Variants in NDUFA5 observed in about 807,000 individuals in gnomAD.
NDUFA5 encodes NADH:ubiquinone oxidoreductase subunit A5.
A neutral mutation model predicts 19.8 loss-of-function variants in NDUFA5; 11 were observed. The observed-to-expected ratio is 0.56, with a 90% CI of 0.35 to 0.92. NDUFA5 has a LOEUF of 0.92. NDUFA5 is among the 40% of genes least tolerant of loss of function. The pLI is 0.01. For missense variants in NDUFA5, 109 were observed against 134.2 expected (o/e 0.81, Z 0.93); for synonymous variants, 47 against 46.8 (o/e 1.00, Z -0.01).
At chr7:123,590,276 A>G in the NDUFA5 span, among the ~76,000 whole-genome samples, 111,443 of 152,076 alleles carry the variant, frequency 0.73, 40,990 homozygotes, top group African/African-American at 0.8. Flanking sequence ...TAGGTTGCCC[A>G]TTCACTCTGA....
chr7:123,546,938 T>C, intron 3 of NDUFA5: 1 of 379,116 alleles, frequency 2.6e-6, no homozygotes, highest in Non-Finnish European at 5.1e-6. Flanking sequence ...GAGATTTTCC[T>C]GAATTATCCA....
chr7:123,586,861 AT>A, the NDUFA5 span, among the ~76,000 whole-genome samples: 4 of 151,692 alleles, frequency 2.6e-5, no homozygotes, highest in Non-Finnish European at 4.4e-5. Context: ...TTGATTATAC[AT>A]TTATGGGTTT....
chr7:123,586,030 AATG>A, the NDUFA5 span, among the ~76,000 whole-genome samples: 1 of 151,836 alleles, frequency 6.6e-6, no homozygotes, highest in Non-Finnish European at 1.5e-5. Context: ...ATAATGCTGC[AATG>A]AATATGGAAG....
At chr7:123,563,739 A>G in the NDUFA5 span, among the ~76,000 whole-genome samples, 2 of 152,196 alleles carry the variant, frequency 1.3e-5, no homozygotes, top group East Asian at 3.9e-4. Context: ...TTTTATACAT[A>G]TACGTGGCTG....
chr7:123,547,162 C>A (rs1467266267), intron 3 of NDUFA5, among the ~76,000 whole-genome samples: 1 of 152,154 alleles, frequency 6.6e-6, no homozygotes, highest in Non-Finnish European at 1.5e-5. Context: ...ACAACACCAT[C>A]TTGATTTGGG....
At chr7:123,565,581 C>T in the NDUFA5 span, among the ~76,000 whole-genome samples, 1 of 152,156 alleles carries the variant, frequency 6.6e-6, no homozygotes, top group Non-Finnish European at 1.5e-5. Flanking sequence ...TCCCCATTAC[C>T]TCAAAATGTG....
At position 123,544,286 on chromosome 7, in the gene NDUFA5, G is replaced by A. The variant is rs1798043447; in HGVS notation, c.249+1325C>T. On this transcript the variant is annotated intron_variant, in intron 4 of 4. Transcript: ENST00000355749. ...GGCCGAGGCAGGCAGATCACCTGAG[G>A]TCAGGAGTTCGAGACCAGCCTGACC... Among the ~76,000 whole-genome samples the A allele has an allele frequency of 2.6e-5, 4 of 152,138 alleles. No individual in the cohort carries two copies. In the South Asian group the frequency reaches 8.3e-4, roughly 32 times the overall value.
the NDUFA5 span, among the ~76,000 whole-genome samples, chr7:123,594,733 C>T: frequency 7.9e-5 from 12 of 152,246 alleles, no homozygotes; most frequent in African/African-American, 2.4e-4. Flanking sequence ...TCAGGCTACA[C>T]GGGGGTCAGG....
At chr7:123,557,921 A>G (rs1798627490), upstream of NDUFA5, 1 of 1,524,126 alleles carries the variant, frequency 6.6e-7, no homozygotes, top group South Asian at 1.2e-5. Context: ...CAGGATCGCC[A>G]AAGGAGCAAA....
the NDUFA5 span, among the ~76,000 whole-genome samples, chr7:123,579,429 A>G: frequency 1.3e-5 from 2 of 152,096 alleles, no homozygotes; most frequent in East Asian, 3.9e-4. Flanking sequence ...CAATAGTTAT[A>G]TGTTTGTTCT....
At chr7:123,597,458 A>G in the NDUFA5 span, among the ~76,000 whole-genome samples, 21 of 152,148 alleles carry the variant, frequency 1.4e-4, no homozygotes, top group Non-Finnish European at 2.5e-4. Flanking sequence ...ATAAGTATCT[A>G]TGTATAGGAA....
chr7:123,568,638 G>T, the NDUFA5 span, among the ~76,000 whole-genome samples: 2 of 152,102 alleles, frequency 1.3e-5, no homozygotes, highest in African/African-American at 4.8e-5. Context: ...TATGGGAAAT[G>T]TTGCTCCTCA....
chr7:123,585,933 C>T, the NDUFA5 span, among the ~76,000 whole-genome samples: 2 of 151,610 alleles, frequency 1.3e-5, no homozygotes, highest in African/African-American at 4.8e-5. Flanking sequence ...GTTGAGTAAT[C>T]TTCCATGATA....
chr7:123,582,200 G>C, the NDUFA5 span, among the ~76,000 whole-genome samples: 1 of 151,958 alleles, frequency 6.6e-6, no homozygotes, highest in Non-Finnish European at 1.5e-5. Flanking sequence ...AGACCACTTT[G>C]AGGGACAGGT....
chr7:123,560,629 G>A (rs1234121034), upstream of NDUFA5, among the ~76,000 whole-genome samples: 1 of 152,156 alleles, frequency 6.6e-6, no homozygotes, highest in African/African-American at 2.4e-5. Context: ...ATTTCATTCT[G>A]AGGCTTTTTC....
chr7:123,558,539 T>A (rs996239679), upstream of NDUFA5, among the ~76,000 whole-genome samples: 3 of 152,092 alleles, frequency 2.0e-5, no homozygotes, highest in Non-Finnish European at 4.4e-5. Flanking sequence ...CTAAAAGAAG[T>A]TGATGCAAAG....
At chr7:123,572,342 T>C in the NDUFA5 span, among the ~76,000 whole-genome samples, 175 of 151,790 alleles carry the variant, frequency 1.2e-3, 1 homozygote, top group Non-Finnish European at 1.9e-3. Context: ...GGTTTCACCA[T>C]GTTGGCCAGG....
At chr7:123,568,496 GAAC>G in the NDUFA5 span, among the ~76,000 whole-genome samples, 1 of 144,920 alleles carries the variant, frequency 6.9e-6, no homozygotes, top group Non-Finnish European at 1.5e-5. Flanking sequence ...ACTCCAGCCT[GAAC>G]AACAAGAGCG....
At chr7:123,575,348 C>T in the NDUFA5 span, among the ~76,000 whole-genome samples, 4 of 152,138 alleles carry the variant, frequency 2.6e-5, no homozygotes, top group African/African-American at 9.6e-5. Context: ...TGCTTGCTTT[C>T]ATATGTTAAA....
Sources: gnomAD v4.1 joint callset for allele counts (sites outside exome capture counted in the v4.1 genomes callset) on GRCh38, gnomAD v4.1.1 for gene constraint, MANE v1.5 for transcripts, NCBI Gene and HGNC (gene_info 2026-07-23, HGNC 2026-07-21) for gene names.